DGKD: variants seen among roughly 807,000 people sequenced by gnomAD.
DGKD encodes DAG kinase delta.
A neutral mutation model predicts 154.4 loss-of-function variants in DGKD; 68 were observed. That is an observed-to-expected ratio of 0.44 (90% confidence interval 0.36 to 0.54). DGKD has a LOEUF of 0.54. DGKD is among the 20% of genes least tolerant of loss of function. The probability of loss-of-function intolerance (pLI) is 0.00; values close to 1 mark genes in which losing one functional copy is unlikely to be tolerated. For synonymous variants in DGKD, 693 were observed against 638.0 expected (o/e 1.09, Z -1.30); for missense variants, 1,343 against 1,593.6 (o/e 0.84, Z 2.68).
chr2:233,431,536 T>C (rs925104866), intron 3 of DGKD, among the ~76,000 whole-genome samples: 1 of 152,196 alleles, frequency 6.6e-6, no homozygotes, highest in African/African-American at 2.4e-5. Context: ...ATTCTCCTGA[T>C]GAAAAATTGG....
chr2:233,365,354 C>T (rs1466895395), intron 1 of DGKD, among the ~76,000 whole-genome samples: 1 of 152,096 alleles, frequency 6.6e-6, no homozygotes, highest in African/African-American at 2.4e-5. Context: ...CCTCAGCCTC[C>T]AGAGTAGCTG....
chr2:233,450,168 G>A (rs745502079), intron 16 of DGKD, 37 bp downstream of exon 16: 2 of 1,567,824 alleles, frequency 1.3e-6, no homozygotes, highest in Admixed American at 1.8e-5. Flanking sequence ...GCACCGTCGT[G>A]TGCTTGGTTT....
At chr2:233,410,544 T>G (rs542457032) in intron 3 of DGKD, among the ~76,000 whole-genome samples, 12 of 152,234 alleles carry the variant, frequency 7.9e-5, no homozygotes, top group Non-Finnish European at 1.5e-4. Flanking sequence ...CCCTAAGTGC[T>G]GATTTCTCCA....
chr2:233,434,285 T>G, intron 3 of DGKD, 95 bp from the exon 4 acceptor site: 1 of 900,934 alleles, frequency 1.1e-6, no homozygotes, highest in South Asian at 1.7e-5. Context: ...AATAGTAATT[T>G]TTATGTCTGT....
At position 233,450,939 on chromosome 2, in the gene DGKD, G is replaced by A; in HGVS notation, c.2056G>A (p.Glu686Lys). The part of the protein sequence containing the change: ...SQRKVSKSPC[E>K]KLISKGSLSL... The stretch of plus-strand genomic sequence containing the variant: ...TGTTACAGTGTCGAAATCTCCGTGT[G>A]AAAAGCTGATCAGCAAAGGGAGTCT... Residue 686 changes from glutamate (E) to lysine (K), a missense_variant, in exon 17 of 30, where the codon GAA (glutamate) becomes AAA (lysine). Glu to Lys is a moderately conservative substitution (Grantham distance 56). Coordinates refer to ENST00000264057, the MANE Select transcript of DGKD (RefSeq NM_152879.3). 1 of 1,604,444 alleles carries A rather than the reference G, an allele frequency of 6.2e-7. No homozygotes were observed. The highest frequency in any genetic ancestry group is 8.5e-7 in the Non-Finnish European group (1 of 1,171,850).
chr2:233,420,384 C>CTA, intron 3 of DGKD, among the ~76,000 whole-genome samples: 1 of 152,070 alleles, frequency 6.6e-6, no homozygotes, highest in East Asian at 1.9e-4. Context: ...ATGAACCCAG[C>CTA]TATGACTGCT....
At chr2:233,380,579 G>A (rs939614853) in intron 1 of DGKD, among the ~76,000 whole-genome samples, 2 of 152,184 alleles carry the variant, frequency 1.3e-5, no homozygotes, top group African/African-American at 4.8e-5. Context: ...CCAGTACTGG[G>A]GCAGTGGGGA....
intron 3 of DGKD, among the ~76,000 whole-genome samples, chr2:233,430,341 C>G (rs1386683305): frequency 2.6e-5 from 4 of 152,148 alleles, no homozygotes; most frequent in African/African-American, 9.7e-5. Flanking sequence ...AATTCCCATC[C>G]ATAGGGCGCT....
intron 11 of DGKD, among the ~76,000 whole-genome samples, chr2:233,446,211 C>T (rs1461226802): frequency 1.3e-5 from 2 of 152,268 alleles, no homozygotes; most frequent in Admixed American, 6.5e-5. Context: ...GTACTGTTGT[C>T]CCGAGTGACA....
chr2:233,375,001 C>G (rs961070102), intron 1 of DGKD, among the ~76,000 whole-genome samples: 1 of 152,120 alleles, frequency 6.6e-6, no homozygotes, highest in African/African-American at 2.4e-5. Flanking sequence ...CACTTGAAAA[C>G]AGATGGAGCC....
rs1005314635 is a variant in DGKD at position 233,369,195 on chromosome 2, C to A, written c.156+14521C>A. ...TAGGTTAGACCATCTGTCTCCTTAC[C>A]ACTCTGTCCATCTCAGTATTTTTCC... On this transcript the variant is annotated intron_variant, in intron 1 of 29. Coordinates refer to ENST00000264057, the MANE Select transcript of DGKD (RefSeq NM_152879.3). 5.5e-4 allele frequency among the ~76,000 whole-genome samples: 84 copies of A among 152,242 alleles called. 1 individual carries two copies. Among genetic ancestry groups the A allele is most frequent in the Admixed American group, 5.4e-3 (83 of 15,300 alleles).
At chr2:233,373,344 G>A (rs892607402) in intron 1 of DGKD, among the ~76,000 whole-genome samples, 2 of 152,216 alleles carry the variant, frequency 1.3e-5, no homozygotes, top group Non-Finnish European at 2.9e-5. Context: ...GGGTTAGGTG[G>A]TGAGATTTGT....
intron 24 of DGKD, among the ~76,000 whole-genome samples, chr2:233,461,754 G>A (rs1439761095): frequency 6.6e-6 from 1 of 152,244 alleles, no homozygotes; most frequent in Non-Finnish European, 1.5e-5. Flanking sequence ...GGTCAGGACA[G>A]GCTGGCCCCG....
At chr2:233,398,228 C>T (rs1195334625) in intron 3 of DGKD, among the ~76,000 whole-genome samples, 3 of 151,666 alleles carry the variant, frequency 2.0e-5, no homozygotes, top group South Asian at 4.2e-4. Context: ...CTGCAAGCTC[C>T]GCCTCCCGGG....
At chr2:233,454,935 A>T in intron 19 of DGKD, 62 bp downstream of exon 19, 2 of 1,067,772 alleles carry the variant, frequency 1.9e-6, no homozygotes, top group Non-Finnish European at 1.4e-6. Context: ...CCTTCCAGAC[A>T]GTAGCAGATT....
intron 3 of DGKD, among the ~76,000 whole-genome samples, chr2:233,420,829 T>G (rs780792814): frequency 1.3e-5 from 2 of 152,206 alleles, no homozygotes; most frequent in Non-Finnish European, 2.9e-5. Context: ...TTCCAGTACC[T>G]AAGACGTCCT....
At position 233,441,277 on chromosome 2, in the gene DGKD, C is replaced by T. The variant is rs1372305520; in HGVS notation, c.1086-610C>T. Among the ~76,000 whole-genome samples, 1 of 152,142 alleles carries T rather than the reference C, an allele frequency of 6.6e-6. No homozygotes were observed. Among genetic ancestry groups the T allele is most frequent in the Non-Finnish European group, 1.5e-5 (1 of 68,016 alleles). ...GGAGGGTAGGAGGCGTGGGTCACAT[C>T]ACCGGAGGACTGAGTGGGCCCAGGC... On this transcript the variant is annotated intron_variant, in intron 9 of 29. Transcript: ENST00000264057. This position sits in a 1 kb window ranked among gnomAD's most constrained non-coding sequence, Gnocchi z 5.6.
chr2:233,411,822 C>T (rs945144946), intron 3 of DGKD, among the ~76,000 whole-genome samples: 8 of 152,104 alleles, frequency 5.3e-5, no homozygotes, highest in East Asian at 1.9e-4. Flanking sequence ...GTTCTTCCCC[C>T]GACCCCCATA....
chr2:233,375,536 A>T (rs184487437), intron 1 of DGKD, among the ~76,000 whole-genome samples: 110 of 152,200 alleles, frequency 7.2e-4, no homozygotes, highest in Non-Finnish European at 1.2e-3. Context: ...TTGAATGCTG[A>T]TAGTGGCAGC....
Sources: gnomAD v4.1 joint callset for allele counts (sites outside exome capture counted in the v4.1 genomes callset) on GRCh38, gnomAD v4.1.1 for gene constraint, Gnocchi (gnomAD v3.1) non-coding constraint, MANE v1.5 for transcripts, NCBI Gene and HGNC (gene_info 2026-07-23, HGNC 2026-07-21) for gene names.